Variants in IL1RAPL2 observed in about 807,000 individuals in gnomAD.
IL1RAPL2 encodes the protein interleukin 1 receptor accessory protein like 2.
A neutral mutation model predicts 44.1 loss-of-function variants in IL1RAPL2; 3 were observed. The observed-to-expected ratio is 0.07, with a 90% confidence interval of 0.03 to 0.18. The LOEUF is 0.18. Among genes scored for constraint, IL1RAPL2 ranks in the 10% least tolerant of loss-of-function variants. IL1RAPL2 has a pLI of 1.00. For synonymous variants in IL1RAPL2, 181 were observed against 178.8 expected, an observed-to-expected ratio of 1.01 and a Z score of -0.10; for missense variants, 391 against 496.4, an observed-to-expected ratio of 0.79 and a Z score of 2.02.
chrX:104,887,275 G>A lies in IL1RAPL2; in HGVS notation c.82+228280G>A, dbSNP rs771859137. Among the ~76,000 whole-genome samples, 3 of 112,123 alleles carry A rather than the reference G, an allele frequency of 2.7e-5. No homozygotes were observed. The South Asian group carries it at 1.1e-3, about 42-fold the overall frequency. On this transcript the variant is annotated intron_variant, in intron 2 of 10. Coordinates refer to ENST00000372582, the MANE Select transcript of IL1RAPL2 (RefSeq NM_017416.2). ...CAGAAACAGCCTTCAAAACCTTAAA[G>A]CAGGCCTTAGTACAAGCTCCAGCTT...
intron 2 of IL1RAPL2, among the ~76,000 whole-genome samples, chrX:105,068,293 C>T (rs1414153099): frequency 9.0e-6 from 1 of 111,325 alleles, no homozygotes; most frequent in Non-Finnish European, 1.9e-5. Flanking sequence ...GATGTGTCAA[C>T]CTTTACAACA....
intron 2 of IL1RAPL2, among the ~76,000 whole-genome samples, chrX:105,033,124 C>T (rs994149621): frequency 5.4e-5 from 6 of 111,247 alleles, no homozygotes; most frequent in Non-Finnish European, 7.5e-5. Flanking sequence ...TGTCTCTGCA[C>T]GTGAGATGGG....
chrX:105,558,726 G>T (rs1326839670), intron 6 of IL1RAPL2, among the ~76,000 whole-genome samples: 2 of 112,158 alleles, frequency 1.8e-5, no homozygotes, highest in African/African-American at 3.2e-5. Context: ...CAAGTAGGAA[G>T]TAGTTAGCAG....
At chrX:104,660,935 T>C (rs1930386460) in intron 2 of IL1RAPL2, among the ~76,000 whole-genome samples, 1 of 106,959 alleles carries the variant, frequency 9.3e-6, no homozygotes, top group Non-Finnish European at 1.9e-5. Context: ...CCTGTCTATA[T>C]ATATATATAT....
chrX:104,850,632 G>A (rs1230122400), intron 2 of IL1RAPL2, among the ~76,000 whole-genome samples: 1 of 111,605 alleles, frequency 9.0e-6, no homozygotes, highest in African/African-American at 3.2e-5. Flanking sequence ...TTTAAAAGTT[G>A]TCTAGGTTGG....
At chrX:104,757,924 G>A (rs1602713379) in intron 2 of IL1RAPL2, among the ~76,000 whole-genome samples, 1 of 112,013 alleles carries the variant, frequency 8.9e-6, no homozygotes, top group Admixed American at 9.4e-5. Flanking sequence ...TGAAAAAAAG[G>A]TTATTTGAAT....
At chrX:105,064,217 G>A (rs778600535) in intron 2 of IL1RAPL2, among the ~76,000 whole-genome samples, 1 of 111,892 alleles carries the variant, frequency 8.9e-6, no homozygotes, top group Admixed American at 9.4e-5. Flanking sequence ...AATATACCTC[G>A]TGTTCTATTT....
chrX:104,878,682 T>A (rs1922977084), intron 2 of IL1RAPL2, among the ~76,000 whole-genome samples: 1 of 111,997 alleles, frequency 8.9e-6, no homozygotes. Context: ...CCAGATATCT[T>A]TCCTACTGAA....
At chrX:104,890,248 C>T (rs1379711809) in intron 2 of IL1RAPL2, among the ~76,000 whole-genome samples, 4 of 111,697 alleles carry the variant, frequency 3.6e-5, no homozygotes, top group Non-Finnish European at 3.8e-5. Context: ...AATAGTGCCG[C>T]AATAAACATA....
chrX:105,667,761 A>G (rs937905034), intron 6 of IL1RAPL2, among the ~76,000 whole-genome samples: 3 of 111,601 alleles, frequency 2.7e-5, no homozygotes, highest in East Asian at 5.6e-4. Context: ...AATATTATTA[A>G]TAACATGGAT....
intron 6 of IL1RAPL2, among the ~76,000 whole-genome samples, chrX:105,557,690 G>T (rs767523797): frequency 9.0e-6 from 1 of 111,333 alleles, no homozygotes; most frequent in Non-Finnish European, 1.9e-5. Context: ...CTACTTCCAT[G>T]TCATTGAAGC....
rs2038023215 is a variant in IL1RAPL2 at position 105,690,160 on chromosome X, A to G, written c.773-27207A>G. On this transcript the variant is annotated intron_variant, in intron 6 of 10. Transcript: ENST00000372582. ...TGCAGCAAACCAACATGGCACATGT[A>G]TACCTATGTATCGAACCTGCATGTT... is the stretch of plus-strand genomic sequence containing the variant. Among the ~76,000 whole-genome samples, 3 of 111,116 alleles carry G rather than the reference A, an allele frequency of 2.7e-5. No homozygotes were observed. The South Asian group carries it at 1.2e-3, about 43-fold the overall frequency.
intron 2 of IL1RAPL2, among the ~76,000 whole-genome samples, chrX:105,178,117 C>T (rs1270973615): frequency 9.0e-6 from 1 of 111,542 alleles, no homozygotes; most frequent in East Asian, 2.8e-4. Flanking sequence ...ATTAACCAAT[C>T]TCTCACCTCG....
intron 2 of IL1RAPL2, among the ~76,000 whole-genome samples, chrX:104,821,282 C>T (rs1921294799): frequency 9.1e-6 from 1 of 110,433 alleles, no homozygotes; most frequent in Non-Finnish European, 1.9e-5. Flanking sequence ...TTCCGCGATA[C>T]ATGCGCAGAA....
chrX:104,782,309 A>G (rs2147603077), intron 2 of IL1RAPL2, among the ~76,000 whole-genome samples: 1 of 110,751 alleles, frequency 9.0e-6, no homozygotes, highest in South Asian at 3.9e-4. Context: ...GAATACAAAA[A>G]GTCAAGTAGA....
intron 2 of IL1RAPL2, among the ~76,000 whole-genome samples, chrX:104,674,560 T>C (rs1602674059): frequency 9.0e-6 from 1 of 111,726 alleles, no homozygotes; most frequent in African/African-American, 3.3e-5. Flanking sequence ...AAAATTCTCT[T>C]TTTTTATTGT....
At chrX:105,257,460 T>G (rs2147650648) in intron 4 of IL1RAPL2, among the ~76,000 whole-genome samples, 1 of 111,779 alleles carries the variant, frequency 8.9e-6, no homozygotes, top group Non-Finnish European at 1.9e-5. Context: ...ATCCATTTGG[T>G]CCAATGTTAA....
At chrX:104,593,265 T>C (rs1407540062) in intron 1 of IL1RAPL2, among the ~76,000 whole-genome samples, 3 of 111,821 alleles carry the variant, frequency 2.7e-5, no homozygotes, top group East Asian at 2.8e-4. Flanking sequence ...TAAAAGGGAA[T>C]TGGTAGCATT....
intron 6 of IL1RAPL2, among the ~76,000 whole-genome samples, chrX:105,547,485 C>T (rs1435190790): frequency 8.9e-6 from 1 of 112,087 alleles, no homozygotes; most frequent in Non-Finnish European, 1.9e-5. Flanking sequence ...GGGCTTAAAA[C>T]ATCCAGCACA....
Sources: allele counts gnomAD v4.1 joint callset (sites outside exome capture counted in the v4.1 genomes callset), GRCh38; gene constraint gnomAD v4.1.1; transcripts MANE v1.5; gene names NCBI Gene and HGNC (gene_info 2026-07-23, HGNC 2026-07-21).